The following CRISPLD2 variants were observed in gnomAD, a reference collection of about 807,000 sequenced individuals.
CRISPLD2 encodes the protein cysteine-rich secretory protein LCCL domain-containing 2.
A neutral mutation model predicts 71.1 loss-of-function variants in CRISPLD2; 47 were observed. The observed-to-expected ratio is 0.66, with a 90% CI of 0.52 to 0.84. CRISPLD2 has a LOEUF of 0.84. Ranked by LOEUF, CRISPLD2 falls within the 40% of genes least tolerant of loss-of-function variation. CRISPLD2 has a pLI of 0.00. For missense variants in CRISPLD2, 830 were observed against 651.1 expected (o/e 1.27, Z -2.99); for synonymous variants, 317 against 250.1 (o/e 1.27, Z -2.52).
chr16:84,903,692 T>C (rs534440113), intron 14 of CRISPLD2, among the ~76,000 whole-genome samples: 1 of 151,954 alleles, frequency 6.6e-6, no homozygotes, highest in South Asian at 2.1e-4. Context: ...CTGGAAGACA[T>C]GCTCCAGAGG....
In CRISPLD2 at chr16:84,871,887, A is replaced by T. The variant is rs1343076429; in HGVS notation, c.915-555A>T. 2.8e-3 allele frequency among the ~76,000 whole-genome samples: 422 copies of T among 148,816 alleles called. 1 individual carries two copies. Among genetic ancestry groups the T allele is most frequent in the African/African-American group, 0.01 (408 of 40,402 alleles). ...TCAAATGAGAAAAAAAAAAAAAAAA[A>T]AAAAAAAAAAAAGACTATGGTTGAC... On this transcript the variant is annotated intron_variant, in intron 8 of 14. Coordinates refer to ENST00000262424, the MANE Select transcript of CRISPLD2 (RefSeq NM_031476.4).
intron 3 of CRISPLD2, among the ~76,000 whole-genome samples, chr16:84,847,266 T>C (rs1916939435): frequency 6.6e-6 from 1 of 152,220 alleles, no homozygotes; most frequent in African/African-American, 2.4e-5. Flanking sequence ...AGGACAAACC[T>C]GGGCAGGTGT....
At chr16:84,831,306 T>TG (rs562835313) in intron 1 of CRISPLD2, among the ~76,000 whole-genome samples, 227 of 152,300 alleles carry the variant, frequency 1.5e-3, no homozygotes, top group African/African-American at 5.3e-3. Flanking sequence ...CTTGGACATC[T>TG]GGGGAAAAAT....
intron 6 of CRISPLD2, chr16:84,863,199 C>T (rs987869434): frequency 7.2e-5 from 11 of 152,126 alleles, no homozygotes; most frequent in African/African-American, 2.4e-4. Context: ...ATAAATATGC[C>T]AATAGCCACA....
chr16:84,821,373 A>T (rs1339148863), intron 1 of CRISPLD2, among the ~76,000 whole-genome samples: 1 of 152,070 alleles, frequency 6.6e-6, no homozygotes, highest in Non-Finnish European at 1.5e-5. Flanking sequence ...TGGGTGTGTG[A>T]CTGTGTTGCC....
At chr16:84,841,853 C>A (rs900679790) in intron 2 of CRISPLD2, 3 of 152,414 alleles carry the variant, frequency 2.0e-5, no homozygotes, top group African/African-American at 7.2e-5. Flanking sequence ...CTTCAGCCTC[C>A]CAAAGTGCTG....
chr16:84,878,532 T>A (rs1236155025), intron 12 of CRISPLD2, among the ~76,000 whole-genome samples: 1 of 152,240 alleles, frequency 6.6e-6, no homozygotes, highest in African/African-American at 2.4e-5. Flanking sequence ...CAAATCCTCA[T>A]GCAGCATTCC....
intron 1 of CRISPLD2, 98 bp from the exon 2 acceptor site, chr16:84,838,324 A>G: frequency 1.3e-6 from 1 of 751,410 alleles, no homozygotes; most frequent in South Asian, 1.7e-5. Context: ...CATCTGTAAA[A>G]TGGAGAGAGT....
At chr16:84,860,058 C>T (rs191988753) in intron 6 of CRISPLD2, among the ~76,000 whole-genome samples, 3 of 144,606 alleles carry the variant, frequency 2.1e-5, no homozygotes, top group Non-Finnish European at 4.5e-5. Flanking sequence ...GACTAATCCA[C>T]TCTACCATCC....
chr16:84,834,815 G>A (rs147383307), intron 1 of CRISPLD2, among the ~76,000 whole-genome samples: 51 of 152,150 alleles, frequency 3.4e-4, no homozygotes, highest in Non-Finnish European at 5.9e-4. Flanking sequence ...TCATGTGGTC[G>A]TCCTCTGCGT....
chr16:84,846,208 TTCCTCCCTCCTTCCCTTCCCTCCCTTCCC>T, intron 3 of CRISPLD2: 1 of 225,438 alleles, frequency 4.4e-6, no homozygotes, highest in Non-Finnish European at 8.8e-6. Context: ...CCTCCCTCCC[TTCCTCCCTCCTTCCCTTCCCTCCCTTCCC>T]CTCCCCTCCC....
chr16:84,865,674 G>A (rs2143266639), intron 6 of CRISPLD2, among the ~76,000 whole-genome samples: 1 of 152,284 alleles, frequency 6.6e-6, no homozygotes, highest in Admixed American at 6.5e-5. Flanking sequence ...ATATGCTCGT[G>A]AATTTGTCTT....
intron 14 of CRISPLD2, among the ~76,000 whole-genome samples, chr16:84,898,324 G>A (rs927425508): frequency 1.3e-5 from 2 of 151,928 alleles, no homozygotes; most frequent in African/African-American, 2.4e-5. Flanking sequence ...AATCAAATCC[G>A]CCCCACTCCC....
chr16:84,829,779 G>A (rs1173694324), intron 1 of CRISPLD2, among the ~76,000 whole-genome samples: 1 of 152,208 alleles, frequency 6.6e-6, no homozygotes, highest in Non-Finnish European at 1.5e-5. Flanking sequence ...TTAAGCCTCA[G>A]TTTCATCGTC....
chr16:84,867,125 A>T, intron 7 of CRISPLD2, 85 bp downstream of exon 7: 2 of 1,437,948 alleles, frequency 1.4e-6, no homozygotes, highest in Admixed American at 2.1e-5. Flanking sequence ...GAGCTAGTGG[A>T]TTTAGGTCTG....
At chr16:84,836,306 G>A (rs1006964319) in intron 1 of CRISPLD2, 3 of 152,120 alleles carry the variant, frequency 2.0e-5, no homozygotes, top group Non-Finnish European at 4.4e-5. Flanking sequence ...AGAGTTTTCT[G>A]GCATCTCTTC....
intron 13 of CRISPLD2, among the ~76,000 whole-genome samples, chr16:84,886,169 T>C (rs920025318): frequency 1.2e-4 from 18 of 152,066 alleles, no homozygotes; most frequent in Non-Finnish European, 2.4e-4. Context: ...GGATTACAGG[T>C]GTAAGCCACC....
chr16:84,848,471 A>AAG (rs1400171341), intron 3 of CRISPLD2, among the ~76,000 whole-genome samples: 1 of 151,566 alleles, frequency 6.6e-6, no homozygotes, highest in Non-Finnish European at 1.5e-5. Context: ...AAAAAAAAAA[A>AAG]AAATGGTGCC....
At chr16:84,877,020 G>A (rs887940723) in intron 11 of CRISPLD2, among the ~76,000 whole-genome samples, 1 of 152,180 alleles carries the variant, frequency 6.6e-6, no homozygotes, top group Non-Finnish European at 1.5e-5. Context: ...AGCAGGCACT[G>A]GAAAGCTGGG....
Sources: allele counts gnomAD v4.1 joint callset (sites outside exome capture counted in the v4.1 genomes callset), GRCh38; gene constraint gnomAD v4.1.1; transcripts MANE v1.5; gene names NCBI Gene and HGNC (gene_info 2026-07-23, HGNC 2026-07-21).